Variants in HS6ST3 observed in about 807,000 individuals in gnomAD.
The protein encoded by HS6ST3 is heparan sulfate 6-O-sulfotransferase 3, also known as heparan-sulfate 6-O-sulfotransferase 3.
A neutral mutation model predicts 36.7 loss-of-function variants in HS6ST3; 12 were observed. The observed-to-expected ratio is 0.33, with a 90% CI of 0.21 to 0.53. HS6ST3 has a LOEUF of 0.53. Ranked by LOEUF, HS6ST3 falls within the 20% of genes least tolerant of loss-of-function variation. HS6ST3 has a pLI of 0.95. For missense variants in HS6ST3, 584 were observed against 640.9 expected (o/e 0.91, Z 0.96); for synonymous variants, 240 against 257.5 (o/e 0.93, Z 0.65).
intron 1 of HS6ST3, among the ~76,000 whole-genome samples, chr13:96,486,006 C>A: frequency 8.7e-6 from 1 of 114,700 alleles, no homozygotes; most frequent in Non-Finnish European, 1.7e-5. Flanking sequence ...TAATGCTATC[C>A]CTCCCCCCTC....
intron 1 of HS6ST3, among the ~76,000 whole-genome samples, chr13:96,809,254 G>T (rs1480232132): frequency 1.3e-5 from 2 of 152,084 alleles, no homozygotes; most frequent in African/African-American, 4.8e-5. Flanking sequence ...ATGCTAACAT[G>T]ACTCTCCCTA....
chr13:96,606,412 G>A lies in HS6ST3; in HGVS notation c.708-226078G>A, dbSNP rs114529700. Among the ~76,000 whole-genome samples the A allele has an allele frequency of 1.5e-3, 227 of 152,196 alleles. 1 individual carries two copies. The highest frequency in any genetic ancestry group is 5.3e-3 in the African/African-American group (218 of 41,512). On this transcript the variant is annotated intron_variant, in intron 1 of 1. Coordinates refer to ENST00000376705, the MANE Select transcript of HS6ST3 (RefSeq NM_153456.4). ...AGCCATTAAAAAAGAATGAAATCAT[G>A]TCAGTCACAGCAACAGGAATGCAGC...
At chr13:96,591,528 T>A (rs1341115416) in intron 1 of HS6ST3, among the ~76,000 whole-genome samples, 1 of 152,128 alleles carries the variant, frequency 6.6e-6, no homozygotes, top group East Asian at 1.9e-4. Context: ...TGATACTAAT[T>A]ATATTATATG....
chr13:96,241,161 A>C (rs2139372569), intron 1 of HS6ST3, among the ~76,000 whole-genome samples: 1 of 151,732 alleles, frequency 6.6e-6, no homozygotes, highest in African/African-American at 2.4e-5. Context: ...TCTTTTCCAT[A>C]AAATGAAAGA....
intron 1 of HS6ST3, among the ~76,000 whole-genome samples, chr13:96,658,280 T>C (rs1244731530): frequency 2.0e-3 from 58 of 28,772 alleles, no homozygotes; most frequent in East Asian, 0.019. Flanking sequence ...TTTTTTTTTT[T>C]TTTTTTTTTT....
chr13:96,192,725 A>G lies in HS6ST3; in HGVS notation c.707+101156A>G, dbSNP rs184153772. Among the ~76,000 whole-genome samples, 3 of 152,198 alleles carry G rather than the reference A, an allele frequency of 2.0e-5. No homozygotes were observed. In the East Asian group the frequency reaches 5.8e-4, roughly 29 times the overall value. On this transcript the variant is annotated intron_variant, in intron 1 of 1. Transcript: ENST00000376705. ...ACAGTGCTGCGATGAATATATGTGT[A>G]CTAGTGTCTTTTTCATATAAAGGTT... is the stretch of plus-strand genomic sequence containing the variant.
chr13:96,590,317 A>C (rs919071259), intron 1 of HS6ST3, among the ~76,000 whole-genome samples: 1 of 152,076 alleles, frequency 6.6e-6, no homozygotes, highest in Non-Finnish European at 1.5e-5. Context: ...GTGTATGAGG[A>C]TTCCCTTTTC....
chr13:96,730,883 C>G (rs1354341692), intron 1 of HS6ST3, among the ~76,000 whole-genome samples: 1 of 152,076 alleles, frequency 6.6e-6, no homozygotes, highest in Non-Finnish European at 1.5e-5. Flanking sequence ...AGGAACACAC[C>G]ACCAGACTCA....
At chr13:96,538,245 A>T (rs946556948) in intron 1 of HS6ST3, among the ~76,000 whole-genome samples, 1 of 152,266 alleles carries the variant, frequency 6.6e-6, no homozygotes, top group African/African-American at 2.4e-5. Context: ...TTGTGCTAGT[A>T]GAATATGTGA....
At chr13:96,757,238 G>A (rs899651026) in intron 1 of HS6ST3, among the ~76,000 whole-genome samples, 2 of 152,154 alleles carry the variant, frequency 1.3e-5, no homozygotes, top group African/African-American at 4.8e-5. Flanking sequence ...AATCAAGGGT[G>A]GCATCCCAAA....
intron 1 of HS6ST3, among the ~76,000 whole-genome samples, chr13:96,815,237 G>A (rs1023470615): frequency 2.0e-5 from 3 of 152,094 alleles, no homozygotes; most frequent in Non-Finnish European, 4.4e-5. Context: ...TTTTTGCCTT[G>A]TAGATGGGGT....
intron 1 of HS6ST3, among the ~76,000 whole-genome samples, chr13:96,691,892 A>T (rs137970282): frequency 5.9e-5 from 9 of 152,260 alleles, no homozygotes; most frequent in African/African-American, 1.9e-4. Flanking sequence ...ACAGTAGAAG[A>T]AAACAGTGAT....
At chr13:96,272,299 G>A (rs186016504) in intron 1 of HS6ST3, among the ~76,000 whole-genome samples, 205 of 152,086 alleles carry the variant, frequency 1.3e-3, no homozygotes, top group Non-Finnish European at 2.3e-3. Flanking sequence ...TTTCACTCAC[G>A]ACTGTGCTGA....
At chr13:96,702,205 T>C (rs1033885516) in intron 1 of HS6ST3, among the ~76,000 whole-genome samples, 5 of 152,146 alleles carry the variant, frequency 3.3e-5, no homozygotes, top group African/African-American at 9.7e-5. Flanking sequence ...AAATCACAGA[T>C]GTAGGAGAGG....
chr13:96,316,421 C>T (rs1468141235), intron 1 of HS6ST3, among the ~76,000 whole-genome samples: 1 of 152,118 alleles, frequency 6.6e-6, no homozygotes, highest in African/African-American at 2.4e-5. Flanking sequence ...TCCCAGGGTG[C>T]TCAGCTCCAT....
At position 96,391,078 on chromosome 13, in the gene HS6ST3, T is replaced by A. The variant is rs562683832; in HGVS notation, c.707+299509T>A. Among the ~76,000 whole-genome samples the A allele has an allele frequency of 4.6e-5, 7 of 152,288 alleles. No homozygotes were observed. In the South Asian group the frequency reaches 1.4e-3, roughly 32 times the overall value. Reference sequence around the variant, plus strand: ...ACGCCGTACATCTCTACTCACGTGATCTTTTGGACTTCCTCTTCTGATTCC... The same window carrying A: ...ACGCCGTACATCTCTACTCACGTGAACTTTTGGACTTCCTCTTCTGATTCC... On this transcript the variant is annotated intron_variant, in intron 1 of 1. Coordinates refer to ENST00000376705, the MANE Select transcript of HS6ST3 (RefSeq NM_153456.4).
chr13:96,359,093 A>T (rs1449597574), intron 1 of HS6ST3, among the ~76,000 whole-genome samples: 1 of 152,154 alleles, frequency 6.6e-6, no homozygotes, highest in Non-Finnish European at 1.5e-5. Flanking sequence ...TTTAGAAGGT[A>T]CTTGGTGCTG....
At chr13:96,805,822 C>G (rs1320803829) in intron 1 of HS6ST3, among the ~76,000 whole-genome samples, 1 of 152,154 alleles carries the variant, frequency 6.6e-6, no homozygotes, top group African/African-American at 2.4e-5. Context: ...TATGGTGAAA[C>G]TGAGTTAGAC....
intron 1 of HS6ST3, among the ~76,000 whole-genome samples, chr13:96,254,496 T>TAC (rs2054627001): frequency 3.2e-4 from 7 of 21,892 alleles, no homozygotes; most frequent in African/African-American, 1.2e-3. Flanking sequence ...TATATATATA[T>TAC]ATACACATAC....
Sources: allele counts gnomAD v4.1 joint callset (sites outside exome capture counted in the v4.1 genomes callset), GRCh38; gene constraint gnomAD v4.1.1; transcripts MANE v1.5; gene names NCBI Gene and HGNC (gene_info 2026-07-23, HGNC 2026-07-21).